Variants in ELAVL2 observed in about 807,000 individuals in gnomAD.
ELAVL2 encodes ELAV like RNA binding protein 2, also known as ELAV-like protein 2.
In ELAVL2, 4 loss-of-function variants were observed where a neutral mutation model predicts 34.6. That is an observed-to-expected ratio of 0.12 (90% CI 0.06 to 0.26). The LOEUF (loss-of-function observed/expected upper bound fraction) is 0.26, where lower values mean the gene tolerates loss of function less well. Ranked by LOEUF, ELAVL2 falls within the 10% of genes least tolerant of loss-of-function variation. The pLI is 1.00. For missense variants in ELAVL2, 432 were observed against 442.8 expected (o/e 0.98, Z 0.22); for synonymous variants, 193 against 154.8 (o/e 1.25, Z -1.83).
intron 1 of ELAVL2, among the ~76,000 whole-genome samples, chr9:23,793,536 A>G (rs959093471): frequency 6.6e-6 from 1 of 152,084 alleles, no homozygotes; most frequent in Non-Finnish European, 1.5e-5. Context: ...AACAAAACTA[A>G]TAGAGTCTCT....
At chr9:23,715,344 T>C (rs1026915700) in intron 3 of ELAVL2, among the ~76,000 whole-genome samples, 2 of 151,770 alleles carry the variant, frequency 1.3e-5, no homozygotes, top group Non-Finnish European at 2.9e-5. Flanking sequence ...GAGACGGGGT[T>C]TCACAGTGTT....
intron 1 of ELAVL2, among the ~76,000 whole-genome samples, chr9:23,775,199 A>C (rs973075311): frequency 6.6e-6 from 1 of 152,188 alleles, no homozygotes; most frequent in Non-Finnish European, 1.5e-5. Flanking sequence ...GAAACTAGCA[A>C]TTATTGATTC....
chr9:23,825,556 C>A (rs2138692011), intron 1 of ELAVL2, among the ~76,000 whole-genome samples: 1 of 152,304 alleles, frequency 6.6e-6, no homozygotes, highest in East Asian at 1.9e-4. Flanking sequence ...CATTGTACCC[C>A]TACTCCCCCC....
intron 1 of ELAVL2, among the ~76,000 whole-genome samples, chr9:23,801,805 C>A (rs1412574107): frequency 6.6e-6 from 1 of 152,142 alleles, no homozygotes. Context: ...AATGGGCACC[C>A]TTCACTACCA....
At chr9:23,769,951 A>G (rs1444974635) in intron 1 of ELAVL2, among the ~76,000 whole-genome samples, 3 of 152,174 alleles carry the variant, frequency 2.0e-5, no homozygotes, top group East Asian at 1.9e-4. Context: ...CCTTCTCTTC[A>G]GTCTAAGTCC....
intron 2 of ELAVL2, among the ~76,000 whole-genome samples, chr9:23,731,787 T>C (rs1435186350): frequency 1.3e-5 from 2 of 151,890 alleles, no homozygotes; most frequent in East Asian, 3.9e-4. Flanking sequence ...AATGAGAACA[T>C]ATAGGAAAAG....
chr9:23,748,737 C>T (rs898137983), intron 2 of ELAVL2, among the ~76,000 whole-genome samples: 7 of 152,000 alleles, frequency 4.6e-5, no homozygotes, highest in Admixed American at 4.6e-4. Flanking sequence ...AGCCAGGCTA[C>T]TTATTTCAGG....
intron 1 of ELAVL2, among the ~76,000 whole-genome samples, chr9:23,788,745 C>T (rs1422298642): frequency 7.9e-5 from 12 of 152,140 alleles, no homozygotes; most frequent in African/African-American, 1.7e-4. Context: ...TACTTGAACA[C>T]GAGCAGTGCA....
intron 3 of ELAVL2, among the ~76,000 whole-genome samples, chr9:23,722,980 T>C (rs536884297): frequency 4.9e-4 from 75 of 152,246 alleles, no homozygotes; most frequent in African/African-American, 1.3e-3. Context: ...TCCCAGGTGA[T>C]AAATGAAAGA....
upstream of ELAVL2, among the ~76,000 whole-genome samples, chr9:23,830,683 C>T (rs2065474321): frequency 6.7e-6 from 1 of 148,772 alleles, no homozygotes; most frequent in South Asian, 2.1e-4. Flanking sequence ...AGATGATTTG[C>T]CTGCAGATAT....
intron 1 of ELAVL2, among the ~76,000 whole-genome samples, chr9:23,763,118 C>G (rs34397232): frequency 0.033 from 4,955 of 152,128 alleles, 90 homozygotes; most frequent in East Asian, 0.073. Flanking sequence ...GTAAATATAT[C>G]AACTTTTGCA....
intron 2 of ELAVL2, among the ~76,000 whole-genome samples, chr9:23,748,756 T>G (rs1054785589): frequency 6.6e-6 from 1 of 152,052 alleles, no homozygotes; most frequent in South Asian, 2.1e-4. Context: ...GGGGGAGGGG[T>G]TGGTCCCTAA....
chr9:23,784,018 C>A (rs2059394209), intron 1 of ELAVL2, among the ~76,000 whole-genome samples: 1 of 151,932 alleles, frequency 6.6e-6, no homozygotes. Flanking sequence ...CACGGTGAAA[C>A]CCCGTCTCTA....
At chr9:23,767,844 C>A (rs867913287) in intron 1 of ELAVL2, among the ~76,000 whole-genome samples, 1 of 152,060 alleles carries the variant, frequency 6.6e-6, no homozygotes, top group African/African-American at 2.4e-5. Flanking sequence ...TATAATGTTG[C>A]GAGGAGGGAA....
intron 2 of ELAVL2, among the ~76,000 whole-genome samples, chr9:23,734,024 G>A (rs1000669245): frequency 4.6e-5 from 7 of 152,248 alleles, no homozygotes; most frequent in African/African-American, 1.7e-4. Context: ...GGCATTATTA[G>A]GATGAGTGCC....
At chr9:23,789,345 T>A (rs2060072837) in intron 1 of ELAVL2, among the ~76,000 whole-genome samples, 1 of 152,178 alleles carries the variant, frequency 6.6e-6, no homozygotes, top group Admixed American at 6.6e-5. Context: ...GTGACCGTCA[T>A]TTCACAAATA....
chr9:23,838,172 A>AT, the ELAVL2 span, among the ~76,000 whole-genome samples: 1 of 152,200 alleles, frequency 6.6e-6, no homozygotes, highest in Middle Eastern at 3.4e-3. Flanking sequence ...AACAATGGCT[A>AT]TTTTGAGGTA....
intron 2 of ELAVL2, among the ~76,000 whole-genome samples, chr9:23,748,166 C>T (rs550249328): frequency 1.4e-5 from 2 of 138,230 alleles, no homozygotes; most frequent in African/African-American, 5.5e-5. Context: ...GGGGGGCTTC[C>T]TTGAGGGGTA....
intron 3 of ELAVL2, among the ~76,000 whole-genome samples, chr9:23,727,184 T>C (rs2045421813): frequency 6.6e-6 from 1 of 152,086 alleles, no homozygotes; most frequent in Non-Finnish European, 1.5e-5. Context: ...GATGATGTCA[T>C]TTCACCAGCA....
Sources: allele counts gnomAD v4.1 joint callset (sites outside exome capture counted in the v4.1 genomes callset), GRCh38; gene constraint gnomAD v4.1.1; transcripts MANE v1.5; gene names NCBI Gene and HGNC (gene_info 2026-07-23, HGNC 2026-07-21).